Variants in TNFRSF1B observed in about 807,000 individuals in gnomAD.
TNFRSF1B encodes the protein TNF receptor superfamily member 1B.
TNFRSF1B carries 19 observed loss-of-function variants against 44.6 expected under a neutral mutation model. The ratio of observed to expected loss-of-function variants is 0.43; its 90% CI spans 0.30 to 0.62. TNFRSF1B has a LOEUF of 0.62. TNFRSF1B is among the 20% of genes least tolerant of loss of function. The pLI, the probability that TNFRSF1B is intolerant of heterozygous loss-of-function variation, is 0.16. For synonymous variants in TNFRSF1B, 252 were observed against 261.1 expected, an observed-to-expected ratio of 0.97 and a Z score of 0.34; for missense variants, 541 against 619.9, an observed-to-expected ratio of 0.87 and a Z score of 1.35.
At chr1:12,179,808 A>G (rs756123998) in intron 1 of TNFRSF1B, among the ~76,000 whole-genome samples, 3 of 152,264 alleles carry the variant, frequency 2.0e-5, no homozygotes, top group East Asian at 3.9e-4. Context: ...CCAAGCCTCA[A>G]TGTCTGCATC....
chr1:12,193,994 TAGG>T lies in TNFRSF1B; in HGVS notation c.830_832del (p.Gly277del). 1 of 1,614,030 alleles carries T rather than the reference TAGG, an allele frequency of 6.2e-7. No homozygotes were observed. The highest frequency in any genetic ancestry group is 8.5e-7 in the Non-Finnish European group (1 of 1,179,960). On this transcript the variant is annotated inframe_deletion, in exon 7 of 10. Transcript: ENST00000376259. Reference sequence around the variant, plus strand: ...GTGACAGCCTTGGGTCTACTAATAATAGGAGTGGTGAACTGTGTCATCATGACC... The same window carrying T: ...GTGACAGCCTTGGGTCTACTAATAATAGTGGTGAACTGTGTCATCATGACC...
chr1:12,191,110 G>C, intron 3 of TNFRSF1B, 25 bp downstream of exon 3: 1 of 1,610,054 alleles, frequency 6.2e-7, no homozygotes, highest in Non-Finnish European at 8.5e-7. Flanking sequence ...AGAAAAAGGG[G>C]GCCCTTACAC....
At chr1:12,183,748 T>TCTAGCTAG (rs1174385673) in intron 1 of TNFRSF1B, among the ~76,000 whole-genome samples, 5,325 of 116,772 alleles carry the variant, frequency 0.046, 302 homozygotes, top group Middle Eastern at 0.079. Flanking sequence ...TATCTATCTA[T>TCTAGCTAG]CTAGCTAGCT....
At chr1:12,181,448 A>G (rs1478045493) in intron 1 of TNFRSF1B, among the ~76,000 whole-genome samples, 1 of 152,088 alleles carries the variant, frequency 6.6e-6, no homozygotes. Context: ...CCTGGAGGAG[A>G]CAGGGCAAGG....
chr1:12,191,981 C>T, intron 4 of TNFRSF1B, 58 bp downstream of exon 4: 1 of 1,568,606 alleles, frequency 6.4e-7, no homozygotes, highest in Non-Finnish European at 8.6e-7. Flanking sequence ...TTGTAGACAT[C>T]CTTGCAGTGT....
In TNFRSF1B at chr1:12,198,691, G is replaced by GTTTTTTTTTTTC. The variant is rs1639322920; in HGVS notation, c.901-3265_901-3264insCTTTTTTTTTTT. 8.2e-5 allele frequency among the ~76,000 whole-genome samples: 7 copies of GTTTTTTTTTTTC among 85,632 alleles called. No homozygotes were observed. The South Asian group carries it at 1.9e-3, about 24-fold the overall frequency. The allele number at this position is 85,632 out of a possible 152,430, so 56.2% of individuals were successfully genotyped here. A position where few individuals can be genotyped will look rare whatever the true frequency, so the allele number is the denominator to read the frequency against. On this transcript the variant is annotated intron_variant, in intron 8 of 9. Transcript: ENST00000376259. ...TGGCTGGCTGGCTGGCTGGAATTCT[G>GTTTTTTTTTTTC]TTTTTTTTTTTTTTTTTGAGAAAGA...
intron 8 of TNFRSF1B, among the ~76,000 whole-genome samples, chr1:12,197,767 T>A (rs1639297020): frequency 1.3e-5 from 2 of 152,200 alleles, no homozygotes; most frequent in South Asian, 4.1e-4. Context: ...AGCACCCACC[T>A]GCTCCTCCTG....
intron 1 of TNFRSF1B, among the ~76,000 whole-genome samples, chr1:12,181,255 C>T (rs1638797817): frequency 6.6e-6 from 1 of 152,182 alleles, no homozygotes; most frequent in African/African-American, 2.4e-5. Context: ...GTGTTCTCGC[C>T]TTGCCAGTTC....
At chr1:12,183,657 TATC>T (rs1303094927) in intron 1 of TNFRSF1B, among the ~76,000 whole-genome samples, 1 of 37,684 alleles carries the variant, frequency 2.7e-5, no homozygotes, top group Non-Finnish European at 5.0e-5. Flanking sequence ...TTATCTATTT[TATC>T]TATCTATCTA....
intron 1 of TNFRSF1B, among the ~76,000 whole-genome samples, chr1:12,184,474 G>C (rs1466447091): frequency 6.6e-6 from 1 of 152,070 alleles, no homozygotes; most frequent in African/African-American, 2.4e-5. Context: ...CCCTCTGCCG[G>C]CTACCGGGGG....
At chr1:12,205,453 C>T (rs913327930) in intron 9 of TNFRSF1B, among the ~76,000 whole-genome samples, 1 of 152,024 alleles carries the variant, frequency 6.6e-6, no homozygotes, top group Non-Finnish European at 1.5e-5. Flanking sequence ...AGTGATCTGC[C>T]AGGTTCAAGG....
In TNFRSF1B at chr1:12,202,057, C is replaced by T. The variant is rs890357422; in HGVS notation, c.991C>T (p.Leu331=). Residue 331 remains leucine, a synonymous_variant, in exon 9 of 10, where the codon CTG becomes TTG. Coordinates refer to ENST00000376259, the MANE Select transcript of TNFRSF1B (RefSeq NM_001066.3). ...AGCGCCGAGCTCCAGCAGCAGCTCCCTGGAGAGCTCGGCCAGTGCGTTGGA... is the reference window on the plus strand; with the variant it reads ...AGCGCCGAGCTCCAGCAGCAGCTCCTTGGAGAGCTCGGCCAGTGCGTTGGA... The part of the protein sequence containing the change: ...ITAPSSSSSS[L]ESSASALDRR... 9 of 1,606,778 alleles carry T rather than the reference C, an allele frequency of 5.6e-6. No homozygotes were observed. The highest frequency in any genetic ancestry group is 7.6e-6 in the Non-Finnish European group (9 of 1,177,274).
intron 7 of TNFRSF1B, among the ~76,000 whole-genome samples, chr1:12,194,260 C>T (rs765198273): frequency 3.5e-4 from 53 of 152,240 alleles, no homozygotes; most frequent in Non-Finnish European, 7.1e-4. Context: ...GTTCAGGATT[C>T]CTATCCAGGA....
chr1:12,176,938 A>G (rs928001103), intron 1 of TNFRSF1B, among the ~76,000 whole-genome samples: 2 of 152,030 alleles, frequency 1.3e-5, no homozygotes, highest in African/African-American at 4.8e-5. Context: ...TGCTTTTTGC[A>G]ACATGCGGCC....
intron 9 of TNFRSF1B, among the ~76,000 whole-genome samples, chr1:12,202,649 A>T (rs1334459398): frequency 6.6e-6 from 1 of 152,168 alleles, no homozygotes; most frequent in African/African-American, 2.4e-5. Flanking sequence ...AATCATAACA[A>T]TCGCTTCTAC....
rs1174385673 is a variant in TNFRSF1B at position 12,183,748 on chromosome 1, TCTAGCTAGCTAGCTAGCTAG to T, written c.79-5044_79-5025del. ...ATCTATCTATCTATCTATCTATCTA[TCTAGCTAGCTAGCTAGCTAG>T]CTATCTATTCTATCTACCTACCTAT... On this transcript the variant is annotated intron_variant, in intron 1 of 9. Coordinates refer to ENST00000376259, the MANE Select transcript of TNFRSF1B (RefSeq NM_001066.3). 4.5e-3 allele frequency among the ~76,000 whole-genome samples: 529 copies of T among 116,958 alleles called. 9 individuals are homozygous for T. The highest frequency in any genetic ancestry group is 0.01 in the African/African-American group (334 of 33,098). 76.7% of individuals were successfully genotyped at this position (116,958 alleles called of 152,430 possible).
At position 12,188,912 on chromosome 1, in the gene TNFRSF1B, G is replaced by A. The variant is rs1216886925; in HGVS notation, c.178+17G>A. On this transcript the variant is annotated intron_variant, in intron 2 of 9. Transcript: ENST00000376259. Reference sequence around the variant, plus strand: ...GCTCGCCGGGTGAGGGCAGCCACGGGGGCACTCGGGGCCCATGCCCTGGAG... The same window carrying A: ...GCTCGCCGGGTGAGGGCAGCCACGGAGGCACTCGGGGCCCATGCCCTGGAG... 8 of 1,608,364 alleles carry A rather than the reference G, an allele frequency of 5.0e-6. No individual in the cohort carries two copies. Among genetic ancestry groups the A allele is most frequent in the East Asian group, 4.5e-5 (2 of 44,842 alleles).
Position 12,171,573 on chromosome 1 carries a change from G to A in TNFRSF1B, c.78+4404G>A, listed in dbSNP as rs2101075793. 1.3e-5 allele frequency among the ~76,000 whole-genome samples: 2 copies of A among 152,228 alleles called. No individual in the cohort carries two copies. Among genetic ancestry groups the A allele is most frequent in the Middle Eastern group, 6.8e-3 (2 of 294 alleles). ...ATTCTATTTATTTCACTTTTATTATGTCTTCCCACAAGATTGTAAGTACCG... is the reference window on the plus strand; with the variant it reads ...ATTCTATTTATTTCACTTTTATTATATCTTCCCACAAGATTGTAAGTACCG... On this transcript the variant is annotated intron_variant, in intron 1 of 9. Coordinates refer to ENST00000376259, the MANE Select transcript of TNFRSF1B (RefSeq NM_001066.3). This position sits in a 1 kb window ranked among gnomAD's most constrained non-coding sequence, Gnocchi z 4.5.
chr1:12,197,134 G>C (rs2101116471), intron 8 of TNFRSF1B, among the ~76,000 whole-genome samples: 1 of 152,114 alleles, frequency 6.6e-6, no homozygotes, highest in Admixed American at 6.5e-5. Flanking sequence ...TTTTAGTAGA[G>C]ACGGGGTTTT....
Sources: allele counts gnomAD v4.1 joint callset (sites outside exome capture counted in the v4.1 genomes callset), GRCh38; gene constraint gnomAD v4.1.1; non-coding constraint Gnocchi (gnomAD v3.1); transcripts MANE v1.5; gene names NCBI Gene and HGNC (gene_info 2026-07-23, HGNC 2026-07-21).